The following KCNAB1 variants were observed in gnomAD, a reference collection of about 807,000 sequenced individuals.
KCNAB1 encodes potassium voltage-gated channel subfamily A regulatory beta subunit 1.
KCNAB1 carries 35 observed loss-of-function variants against 64.6 expected under a neutral mutation model. The ratio of observed to expected loss-of-function variants is 0.54; its 90% CI spans 0.41 to 0.72. The LOEUF (loss-of-function observed/expected upper bound fraction) is 0.72, where lower values mean the gene tolerates loss of function less well. Among genes scored for constraint, KCNAB1 ranks in the 30% least tolerant of loss-of-function variants. KCNAB1 has a pLI of 0.00. For synonymous variants in KCNAB1, 177 were observed against 183.8 expected, an observed-to-expected ratio of 0.96 and a Z score of 0.30; for missense variants, 401 against 512.9, an observed-to-expected ratio of 0.78 and a Z score of 2.11.
intron 1 of KCNAB1, among the ~76,000 whole-genome samples, chr3:156,294,966 A>G (rs938291230): frequency 6.6e-6 from 1 of 152,218 alleles, no homozygotes; most frequent in Non-Finnish European, 1.5e-5. Flanking sequence ...CTGAGCACCT[A>G]TTCTATATCA....
At chr3:156,483,943 G>A (rs529214614) in intron 8 of KCNAB1, among the ~76,000 whole-genome samples, 12 of 152,230 alleles carry the variant, frequency 7.9e-5, no homozygotes, top group Middle Eastern at 3.4e-3. Flanking sequence ...TGCCAAGGCT[G>A]CAGAAAATAT....
chr3:156,528,260 T>C (rs1016366706), intron 12 of KCNAB1, among the ~76,000 whole-genome samples: 20 of 152,032 alleles, frequency 1.3e-4, no homozygotes, highest in Middle Eastern at 3.2e-3. Context: ...AATTCAGTGA[T>C]TACCATAAAA....
At chr3:156,402,789 T>C (rs1334271207) in intron 1 of KCNAB1, among the ~76,000 whole-genome samples, 1 of 152,216 alleles carries the variant, frequency 6.6e-6, no homozygotes, top group Admixed American at 6.5e-5. Context: ...GAAGGCTCAG[T>C]AGTCAACAAA....
At chr3:156,302,124 T>G (rs1388398354) in intron 1 of KCNAB1, among the ~76,000 whole-genome samples, 1 of 152,188 alleles carries the variant, frequency 6.6e-6, no homozygotes, top group Non-Finnish European at 1.5e-5. Flanking sequence ...CTTGACTCTT[T>G]CCTCCATCTT....
intron 7 of KCNAB1, among the ~76,000 whole-genome samples, chr3:156,472,740 C>G (rs181992094): frequency 1.3e-5 from 2 of 152,186 alleles, no homozygotes; most frequent in Admixed American, 1.3e-4. Context: ...GAACAAGGAA[C>G]CTGTGCCAAT....
chr3:156,351,519 T>C (rs1286476034), intron 1 of KCNAB1, among the ~76,000 whole-genome samples: 1 of 152,244 alleles, frequency 6.6e-6, no homozygotes, highest in African/African-American at 2.4e-5. Context: ...AATTTCTTTT[T>C]ACTTTTTAAT....
chr3:156,197,502 A>G (rs1345932440), intron 1 of KCNAB1, among the ~76,000 whole-genome samples: 3 of 152,180 alleles, frequency 2.0e-5, no homozygotes, highest in South Asian at 4.1e-4. Context: ...ATTGGTCTAT[A>G]CAGAGATTTG....
chr3:156,468,089 G>C (rs1448729200), intron 7 of KCNAB1, among the ~76,000 whole-genome samples: 1 of 152,084 alleles, frequency 6.6e-6, no homozygotes, highest in Admixed American at 6.5e-5. Flanking sequence ...CTCTCAGGCT[G>C]TCGTTTCATT....
intron 1 of KCNAB1, among the ~76,000 whole-genome samples, chr3:156,249,663 T>A (rs1232246257): frequency 6.6e-6 from 1 of 152,156 alleles, no homozygotes; most frequent in Non-Finnish European, 1.5e-5. Context: ...GGCTTTACTA[T>A]AAACCACCCA....
At chr3:156,218,971 C>T (rs930673078) in intron 1 of KCNAB1, among the ~76,000 whole-genome samples, 1 of 151,840 alleles carries the variant, frequency 6.6e-6, no homozygotes, top group South Asian at 2.1e-4. Flanking sequence ...AGCCCTTGAT[C>T]TCAGGTCTTC....
intron 1 of KCNAB1, among the ~76,000 whole-genome samples, chr3:156,290,032 CCT>C (rs538382847): frequency 1.6e-3 from 244 of 152,242 alleles, no homozygotes; most frequent in Non-Finnish European, 2.8e-3. Context: ...GAGGGCCCAG[CCT>C]CTGTTTCAGC....
intron 1 of KCNAB1, among the ~76,000 whole-genome samples, chr3:156,169,750 C>T (rs1711838183): frequency 6.6e-6 from 1 of 152,228 alleles, no homozygotes; most frequent in South Asian, 2.1e-4. Flanking sequence ...CTCTTTCTCT[C>T]CTGCTCTGCC....
At chr3:156,477,418 A>G (rs1714449519) in intron 8 of KCNAB1, among the ~76,000 whole-genome samples, 1 of 152,132 alleles carries the variant, frequency 6.6e-6, no homozygotes, top group Non-Finnish European at 1.5e-5. Context: ...GGCACATGGC[A>G]TTTTGTAGCA....
chr3:156,499,306 G>A (rs552465591), intron 8 of KCNAB1, among the ~76,000 whole-genome samples: 64 of 152,146 alleles, frequency 4.2e-4, no homozygotes, highest in African/African-American at 1.5e-3. Context: ...CTTCAAAGGG[G>A]ACCCATTTTT....
At chr3:156,388,453 C>T (rs573151764) in intron 1 of KCNAB1, among the ~76,000 whole-genome samples, 1 of 152,230 alleles carries the variant, frequency 6.6e-6, no homozygotes, top group Admixed American at 6.5e-5. Context: ...CCAGTCTGGT[C>T]CTTAGACATC....
intron 1 of KCNAB1, among the ~76,000 whole-genome samples, chr3:156,125,624 T>C (rs1206809379): frequency 6.6e-6 from 1 of 152,224 alleles, no homozygotes; most frequent in African/African-American, 2.4e-5. Flanking sequence ...CCTTAATGAA[T>C]GTTTCTTATT....
At chr3:156,359,003 G>A (rs908251328) in intron 1 of KCNAB1, among the ~76,000 whole-genome samples, 1 of 152,174 alleles carries the variant, frequency 6.6e-6, no homozygotes, top group Non-Finnish European at 1.5e-5. Context: ...GGGACTGAAT[G>A]TCTTTTATAA....
At chr3:156,482,644 T>C (rs1714914469) in intron 8 of KCNAB1, among the ~76,000 whole-genome samples, 2 of 152,082 alleles carry the variant, frequency 1.3e-5, no homozygotes, top group African/African-American at 4.8e-5. Flanking sequence ...CTCTTTCTGT[T>C]ACGAGCCAAT....
At chr3:156,291,961 GGACC>G (rs1215836770) in intron 1 of KCNAB1, 1 of 1,614,124 alleles carries the variant, frequency 6.2e-7, no homozygotes, top group East Asian at 2.2e-5. Context: ...GGAATGGTGA[GGACC>G]GACTTCTGAG....
Sources: gnomAD v4.1 joint callset for allele counts (sites outside exome capture counted in the v4.1 genomes callset) on GRCh38, gnomAD v4.1.1 for gene constraint, MANE v1.5 for transcripts, NCBI Gene and HGNC (gene_info 2026-07-23, HGNC 2026-07-21) for gene names.